Variants in PNPLA3 observed in about 807,000 individuals in gnomAD.
The protein encoded by PNPLA3 is patatin like domain 3, 1-acylglycerol-3-phosphate O-acyltransferase.
In PNPLA3, 42 loss-of-function variants were observed where a neutral mutation model predicts 43.1. The ratio of observed to expected loss-of-function variants is 0.97; its 90% confidence interval spans 0.76 to 1.26. The LOEUF is 1.26. Ranked by LOEUF, PNPLA3 falls within the 50% of genes most tolerant of loss-of-function variation. The probability of loss-of-function intolerance (pLI) is 0.00; values close to 1 mark genes in which losing one functional copy is unlikely to be tolerated. For missense variants in PNPLA3, 647 were observed against 621.4 expected (o/e 1.04, Z -0.44); for synonymous variants, 272 against 253.6 (o/e 1.07, Z -0.69).
At chr22:43,929,356 A>G in intron 3 of PNPLA3, among the ~76,000 whole-genome samples, 1 of 151,612 alleles carries the variant, frequency 6.6e-6, no homozygotes. Flanking sequence ...TGCACCTGTA[A>G]TCCCAGCTGC....
chr22:43,944,717 C>T lies in PNPLA3; in HGVS notation c.1139C>T (p.Pro380Leu). 1.2e-6 allele frequency: 2 copies of T among 1,614,174 alleles called. No individual in the cohort carries two copies. Among genetic ancestry groups the T allele is most frequent in the South Asian group, 2.2e-5 (2 of 91,080 alleles). The change falls in exon 8 of 9, where the codon CCC becomes CTC. Residue 380 changes from proline (P) to leucine (L), a missense_variant. Pro to Leu is a moderately conservative substitution (Grantham distance 98, BLOSUM62 -3). Coordinates refer to ENST00000216180, the MANE Select transcript of PNPLA3 (RefSeq NM_025225.3). Reference sequence around the variant, plus strand: ...CTGGTGACATGGCTTCCAGATATGCCCGACGATGTCCTGTGGTTGCAGTGG... The same window carrying T: ...CTGGTGACATGGCTTCCAGATATGCTCGACGATGTCCTGTGGTTGCAGTGG... Reference protein sequence around the residue: ...QRLVTWLPDMPDDVLWLQWVT... With the variant: ...QRLVTWLPDMLDDVLWLQWVT...
intron 1 of PNPLA3, among the ~76,000 whole-genome samples, chr22:43,926,580 T>A (rs770205607): frequency 3.3e-5 from 5 of 152,210 alleles, no homozygotes; most frequent in Non-Finnish European, 7.3e-5. Flanking sequence ...CTGGAAGCCA[T>A]GATGTCATTG....
chr22:43,934,830 A>G (rs1169617291), intron 5 of PNPLA3, among the ~76,000 whole-genome samples, 164 bp downstream of exon 5: 1 of 152,000 alleles, frequency 6.6e-6, no homozygotes, highest in African/African-American at 2.4e-5. Context: ...TCTCCGTCCC[A>G]TTGTACAGAT....
rs1230620689 is a variant in PNPLA3, at chr22:43,927,083, C to CA, written c.340dup (p.Ile114AsnfsTer10). 1.2e-6 allele frequency: 2 copies of CA among 1,614,242 alleles called. No homozygotes were observed. The highest frequency in any genetic ancestry group is 2.2e-5 in the South Asian group (2 of 91,088). ...CCAATGTCCACCAGCTCATCTCCGG[C>CA]AAAATAGGCATCTCTCTTACCAGAG... On this transcript the variant is annotated frameshift_variant, in exon 2 of 9. Coordinates refer to ENST00000216180, the MANE Select transcript of PNPLA3 (RefSeq NM_025225.3). LOFTEE classifies it high-confidence loss of function.
intron 5 of PNPLA3, among the ~76,000 whole-genome samples, chr22:43,935,708 G>A (rs888274015): frequency 6.6e-6 from 1 of 152,012 alleles, no homozygotes; most frequent in African/African-American, 2.4e-5. Flanking sequence ...GTGTGGGGGT[G>A]GGGACACTAA....
At chr22:43,939,662 A>G (rs1044187974) in intron 6 of PNPLA3, among the ~76,000 whole-genome samples, 14 of 152,134 alleles carry the variant, frequency 9.2e-5, no homozygotes, top group Non-Finnish European at 1.0e-4. Context: ...TAAAAATACA[A>G]AAAATTAGCT....
chr22:43,934,184 G>C (rs2049979526), intron 4 of PNPLA3, among the ~76,000 whole-genome samples: 1 of 151,984 alleles, frequency 6.6e-6, no homozygotes, highest in Non-Finnish European at 1.5e-5. Context: ...GGGCATGGTG[G>C]CGGGCACCTG....
chr22:43,935,506 G>A lies in PNPLA3; in HGVS notation c.757+840G>A, dbSNP rs555935532. 2.6e-4 allele frequency among the ~76,000 whole-genome samples: 39 copies of A among 152,184 alleles called. No homozygotes were observed. The South Asian group carries it at 4.4e-3, about 17-fold the overall frequency. On this transcript the variant is annotated intron_variant, in intron 5 of 8. Coordinates refer to ENST00000216180, the MANE Select transcript of PNPLA3 (RefSeq NM_025225.3). ...CACAGGATGCTGGAGGCTCATGCAGGATGGATCTCCAAGGCCCAGGGGAAG... is the reference window on the plus strand; with the variant it reads ...CACAGGATGCTGGAGGCTCATGCAGAATGGATCTCCAAGGCCCAGGGGAAG...
Position 43,939,352 on chromosome 22 carries a change from G to T in PNPLA3, c.980-641G>T, listed in dbSNP as rs2050016219. ...TAATTTCAGCTATGATATTGGAAAT[G>T]GACATGTCTTTTCAAGGAAAATAAA... On this transcript the variant is annotated intron_variant, in intron 6 of 8. Transcript: ENST00000216180. 4 of 965,456 alleles carry T rather than the reference G, an allele frequency of 4.1e-6. No homozygotes were observed. In the South Asian group the frequency reaches 1.9e-4, roughly 46 times the overall value. 59.8% of individuals were successfully genotyped at this position (965,456 alleles called of 1,614,324 possible).
intron 6 of PNPLA3, chr22:43,939,580 C>T (rs1230295639): frequency 1.8e-5 from 4 of 218,898 alleles, no homozygotes; most frequent in Admixed American, 6.5e-5. Flanking sequence ...TTTGGGAGGC[C>T]GAGGTGGGTG....
rs566272800 is a variant in PNPLA3, at chr22:43,944,206, C to CG, written c.1113-479dup. Among the ~76,000 whole-genome samples, 24 of 152,120 alleles carry CG rather than the reference C, an allele frequency of 1.6e-4. No individual in the cohort carries two copies. In the East Asian group the frequency reaches 4.7e-3, roughly 29 times the overall value. On this transcript the variant is annotated intron_variant, in intron 7 of 8. Transcript: ENST00000216180. ...CTCCTCCTCCCCACCCCACCACTGCCGGGGGGATGTCTGTGGTCAGGCATT... is the reference window on the plus strand; with the variant it reads ...CTCCTCCTCCCCACCCCACCACTGCCGGGGGGGATGTCTGTGGTCAGGCATT...
rs769365899 is a variant in PNPLA3, at chr22:43,947,084, TG to T, written c.*703del. 1 of 208,968 alleles carries T rather than the reference TG, an allele frequency of 4.8e-6. No individual in the cohort carries two copies. Among genetic ancestry groups the T allele is most frequent in the Admixed American group, 5.4e-5 (1 of 18,378 alleles). 12.9% of individuals were successfully genotyped at this position (208,968 alleles called of 1,614,324 possible). A position where few individuals can be genotyped will look rare whatever the true frequency, so the allele number is the denominator to read the frequency against. ...CTTAAAAAAAAAAAAATCGGTTGGG[TG>T]CAGTGGCACACGGCTGTAATCCCAG... On this transcript the variant is annotated 3_prime_UTR_variant, in exon 9 of 9. Transcript: ENST00000216180.
chr22:43,940,484 T>A (rs2050024243), intron 7 of PNPLA3, among the ~76,000 whole-genome samples: 1 of 152,176 alleles, frequency 6.6e-6, no homozygotes, highest in African/African-American at 2.4e-5. Flanking sequence ...AGAAGCAGGA[T>A]CCTTGCTGCC....
intron 4 of PNPLA3, among the ~76,000 whole-genome samples, chr22:43,933,449 C>T (rs1208750825): frequency 1.3e-5 from 2 of 152,000 alleles, no homozygotes; most frequent in Non-Finnish European, 2.9e-5. Context: ...TGCAGTGGTG[C>T]AATCATAGCT....
chr22:43,943,309 A>G (rs1245180199), intron 7 of PNPLA3, among the ~76,000 whole-genome samples: 1 of 151,858 alleles, frequency 6.6e-6, no homozygotes, highest in Non-Finnish European at 1.5e-5. Context: ...TTTTTCCCAT[A>G]TAGCAACAGA....
chr22:43,936,104 T>A (rs1165560028), intron 5 of PNPLA3, among the ~76,000 whole-genome samples: 10 of 151,932 alleles, frequency 6.6e-5, no homozygotes, highest in Non-Finnish European at 1.5e-4. Context: ...GATGGGGAGA[T>A]GTGCCCATGG....
In PNPLA3 at chr22:43,946,197, C is replaced by A. The variant is rs754106300; in HGVS notation, c.1261C>A (p.Pro421Thr). 6.2e-7 allele frequency: 1 copy of A among 1,614,066 alleles called. No homozygotes were observed. The highest frequency in any genetic ancestry group is 1.1e-5 in the South Asian group (1 of 91,082). ...VSSQQASPCTPEQDWPCWTPC... is the reference protein window; with the variant it reads ...VSSQQASPCTTEQDWPCWTPC... Reference sequence around the variant, plus strand: ...CAGCCAACAGGCCTCCCCATGCACACCTGAGCAGGACTGGCCCTGCTGGAC... The same window carrying A: ...CAGCCAACAGGCCTCCCCATGCACAACTGAGCAGGACTGGCCCTGCTGGAC... Residue 421 changes from proline (P) to threonine (T), a missense_variant, in exon 9 of 9, where the codon CCT (proline) becomes ACT (threonine). Coordinates refer to ENST00000216180, the MANE Select transcript of PNPLA3 (RefSeq NM_025225.3).
chr22:43,931,079 A>T (rs1028437140), intron 3 of PNPLA3, among the ~76,000 whole-genome samples: 1 of 151,938 alleles, frequency 6.6e-6, no homozygotes, highest in Admixed American at 6.6e-5. Flanking sequence ...GTGAGCTGAG[A>T]TCCTGCCACT....
chr22:43,945,053 T>C (rs757726908), intron 8 of PNPLA3, among the ~76,000 whole-genome samples: 2 of 152,068 alleles, frequency 1.3e-5, no homozygotes, highest in African/African-American at 4.8e-5. Flanking sequence ...GCAGCATTGA[T>C]GGTGGAAGAG....
Sources: allele counts gnomAD v4.1 joint callset (sites outside exome capture counted in the v4.1 genomes callset), GRCh38; gene constraint gnomAD v4.1.1; transcripts MANE v1.5; gene names NCBI Gene and HGNC (gene_info 2026-07-23, HGNC 2026-07-21).